CEP55: variants seen among roughly 807,000 people sequenced by gnomAD.
CEP55 encodes centrosomal protein 55.
A neutral mutation model predicts 63.2 loss-of-function variants in CEP55; 57 were observed. The ratio of observed to expected loss-of-function variants is 0.90; its 90% confidence interval spans 0.73 to 1.13. The LOEUF is 1.13. Ranked by LOEUF, CEP55 falls within the 50% of genes most tolerant of loss-of-function variation. The pLI is 0.00. For missense variants in CEP55, 456 were observed against 518.9 expected (o/e 0.88, Z 1.18); for synonymous variants, 178 against 191.6 (o/e 0.93, Z 0.59).
chr10:93,503,106 T>G lies in CEP55; in HGVS notation c.184-7T>G. 6.2e-7 allele frequency: 1 copy of G among 1,609,106 alleles called. No individual in the cohort carries two copies. Among genetic ancestry groups the G allele is most frequent in the South Asian group, 1.1e-5 (1 of 90,358 alleles). ...TTGTTCTAAGATTCTTCTTAGTTTA[T>G]GTCTAGAAAATTCGAGTCCTTGAGG... On this transcript the variant is annotated splice_polypyrimidine_tract_variant and splice_region_variant and intron_variant, in intron 2 of 8. Transcript: ENST00000371485.
chr10:93,499,454 C>T (rs2057608052), intron 1 of CEP55, among the ~76,000 whole-genome samples: 1 of 150,502 alleles, frequency 6.6e-6, no homozygotes, highest in African/African-American at 2.4e-5. Flanking sequence ...AACTTTTCCA[C>T]AAAAGAATTA....
At position 93,517,370 on chromosome 10, in the gene CEP55, T is replaced by C. The variant is rs993099828; in HGVS notation, c.993+122T>C. The C allele has an allele frequency of 4.3e-6, 3 of 700,124 alleles. No homozygotes were observed. In the Admixed American group the frequency reaches 9.3e-5, roughly 22 times the overall value. 43.4% of individuals were successfully genotyped at this position (700,124 alleles called of 1,614,324 possible). A position where few individuals can be genotyped will look rare whatever the true frequency, so the allele number is the denominator to read the frequency against. The stretch of plus-strand genomic sequence containing the variant: ...AAATTCCTGCCCCTCATGGGAGTTA[T>C]ATTCCAGAACAGAAACAGACCATAA... On this transcript the variant is annotated intron_variant, in intron 6 of 8. Coordinates refer to ENST00000371485, the MANE Select transcript of CEP55 (RefSeq NM_018131.5).
At chr10:93,523,936 A>G (rs1424931948) in intron 8 of CEP55, among the ~76,000 whole-genome samples, 4 of 152,262 alleles carry the variant, frequency 2.6e-5, no homozygotes, top group Non-Finnish European at 5.9e-5. Flanking sequence ...ACACATTTAA[A>G]GCAGTGTGTA....
intron 8 of CEP55, among the ~76,000 whole-genome samples, chr10:93,523,263 A>T (rs1163461492): frequency 6.6e-6 from 1 of 152,208 alleles, no homozygotes; most frequent in Non-Finnish European, 1.5e-5. Context: ...GCAAATAGAA[A>T]ACAAAAAAAG....
rs1358729894 is a variant in CEP55, at chr10:93,507,290, C to A, written c.528+234C>A. Among the ~76,000 whole-genome samples, 5 of 146,258 alleles carry A rather than the reference C, an allele frequency of 3.4e-5. No individual in the cohort carries two copies. In the East Asian group the frequency reaches 1.0e-3, roughly 30 times the overall value. Reference sequence around the variant, plus strand: ...TGCCCAGGCTGGAGTGCAGTGGCATCTTGGTTCACTGCAACCTCTGTCTCC... The same window carrying A: ...TGCCCAGGCTGGAGTGCAGTGGCATATTGGTTCACTGCAACCTCTGTCTCC... On this transcript the variant is annotated intron_variant, in intron 4 of 8. Transcript: ENST00000371485.
intron 5 of CEP55, among the ~76,000 whole-genome samples, chr10:93,516,080 C>T (rs566040367): frequency 1.3e-5 from 2 of 152,118 alleles, no homozygotes; most frequent in African/African-American, 2.4e-5. Context: ...CCCTAAGAGG[C>T]GGGGCAGGAA....
intron 1 of CEP55, among the ~76,000 whole-genome samples, chr10:93,499,629 C>T (rs1393684917): frequency 6.7e-6 from 1 of 149,496 alleles, no homozygotes; most frequent in Non-Finnish European, 1.5e-5. Context: ...TCAAGCGATT[C>T]TCCTGCCTCA....
intron 4 of CEP55, among the ~76,000 whole-genome samples, chr10:93,511,788 G>C (rs2057753035): frequency 6.6e-6 from 1 of 151,850 alleles, no homozygotes; most frequent in Non-Finnish European, 1.5e-5. Context: ...ATTTTTAGTA[G>C]AGACGGGGTT....
chr10:93,503,293 T>C lies in CEP55; in HGVS notation c.364T>C (p.Ser122Pro). 1.2e-6 allele frequency: 2 copies of C among 1,614,166 alleles called. No homozygotes were observed. The highest frequency in any genetic ancestry group is 2.2e-5 in the South Asian group (2 of 91,080). Reference sequence around the variant, plus strand: ...GAGGGAGCAGGTGTTGAAAGCCTTATCTGAAGAGAAAGACGTATTGAAACA... The same window carrying C: ...GAGGGAGCAGGTGTTGAAAGCCTTACCTGAAGAGAAAGACGTATTGAAACA... ...ERREQVLKALSEEKDVLKQQL... is the reference protein window; with the variant it reads ...ERREQVLKALPEEKDVLKQQL... The change falls in exon 3 of 9, where the codon TCT becomes CCT. Residue 122 changes from serine (S) to proline (P), a missense_variant. Physicochemically the swap from Ser to Pro is moderately conservative, Grantham distance 74. Transcript: ENST00000371485.
chr10:93,517,945 A>T (rs922156390), intron 6 of CEP55, among the ~76,000 whole-genome samples: 4 of 152,226 alleles, frequency 2.6e-5, no homozygotes, highest in African/African-American at 9.6e-5. Context: ...TTCCCTTGTC[A>T]AATTAATAAT....
At chr10:93,502,840 C>T (rs2057647665) in intron 2 of CEP55, among the ~76,000 whole-genome samples, 1 of 152,204 alleles carries the variant, frequency 6.6e-6, no homozygotes, top group African/African-American at 2.4e-5. Flanking sequence ...TCTCACCACC[C>T]TTGATAGAGG....
At chr10:93,507,990 C>T (rs2057706011) in intron 4 of CEP55, among the ~76,000 whole-genome samples, 1 of 152,176 alleles carries the variant, frequency 6.6e-6, no homozygotes, top group South Asian at 2.1e-4. Context: ...AGTATCTTCT[C>T]TTTTGGTTTA....
At chr10:93,496,957 A>G (rs1053461780) in intron 1 of CEP55, 34 bp downstream of exon 1, 4 of 152,276 alleles carry the variant, frequency 2.6e-5, no homozygotes, top group Non-Finnish European at 5.9e-5. Flanking sequence ...AGGCGCAGAG[A>G]GGCCAAGTGA....
At chr10:93,509,906 C>T (rs941724836) in intron 4 of CEP55, among the ~76,000 whole-genome samples, 2 of 152,194 alleles carry the variant, frequency 1.3e-5, no homozygotes, top group African/African-American at 4.8e-5. Flanking sequence ...TGGAAAGAGA[C>T]ATCTCACTTC....
At position 93,500,103 on chromosome 10, in the gene CEP55, C is replaced by A; in HGVS notation, c.52C>A (p.Pro18Thr). The change falls in exon 2 of 9, where the codon CCT (proline) becomes ACT (threonine). Residue 18 changes from proline to threonine, a missense_variant. By Grantham distance (38) the Pro-to-Thr change is conservative. Coordinates refer to ENST00000371485, the MANE Select transcript of CEP55 (RefSeq NM_018131.5). ...DLIKSKWGSK[P>T]SNSKSETTLE... ...AATTAAAAGTAAGTGGGGATCGAAGCCTAGTAACTCCAAATCCGAAACTAC... is the reference window on the plus strand; with the variant it reads ...AATTAAAAGTAAGTGGGGATCGAAGACTAGTAACTCCAAATCCGAAACTAC... 6.2e-7 allele frequency: 1 copy of A among 1,613,354 alleles called. No homozygotes were observed. The highest frequency in any genetic ancestry group is 1.3e-5 in the African/African-American group (1 of 75,002).
At position 93,518,827 on chromosome 10, in the gene CEP55, A is replaced by C. The variant is rs1187799360; in HGVS notation, c.994-50A>C. 7.4e-6 allele frequency: 10 copies of C among 1,355,146 alleles called. No individual in the cohort carries two copies. In the East Asian group the frequency reaches 2.3e-4, roughly 32 times the overall value. 83.9% of individuals were successfully genotyped at this position (1,355,146 alleles called of 1,614,324 possible). A position where few individuals can be genotyped will look rare whatever the true frequency, so the allele number is the denominator to read the frequency against. On this transcript the variant is annotated intron_variant, in intron 6 of 8. Coordinates refer to ENST00000371485, the MANE Select transcript of CEP55 (RefSeq NM_018131.5). ...TGAGCTTTCCGTGCATCCCAGGTCAAGCCGGAAAAGGTTGGATGTGACAGC... is the reference window on the plus strand; with the variant it reads ...TGAGCTTTCCGTGCATCCCAGGTCACGCCGGAAAAGGTTGGATGTGACAGC...
At chr10:93,521,307 C>A (rs1397620976) in intron 8 of CEP55, among the ~76,000 whole-genome samples, 1 of 152,214 alleles carries the variant, frequency 6.6e-6, no homozygotes, top group African/African-American at 2.4e-5. Context: ...TATCCCACGC[C>A]TGGCTTGGAG....
At chr10:93,512,340 C>T (rs2057761206) in intron 4 of CEP55, among the ~76,000 whole-genome samples, 1 of 150,532 alleles carries the variant, frequency 6.6e-6, no homozygotes, top group Admixed American at 6.6e-5. Flanking sequence ...CATGGTGAAA[C>T]CCCATCTCTA....
intron 4 of CEP55, chr10:93,510,654 C>T (rs564062338): frequency 1.4e-4 from 22 of 152,256 alleles, no homozygotes; most frequent in Non-Finnish European, 2.8e-4. Flanking sequence ...CAAGATCAGG[C>T]GCGTTCAGGG....
Sources: gnomAD v4.1 joint callset for allele counts (sites outside exome capture counted in the v4.1 genomes callset) on GRCh38, gnomAD v4.1.1 for gene constraint, MANE v1.5 for transcripts, NCBI Gene and HGNC (gene_info 2026-07-23, HGNC 2026-07-21) for gene names.